The following GRAMD1C variants were observed in gnomAD, a reference collection of about 807,000 sequenced individuals.
GRAMD1C encodes GRAM domain containing 1C, also known as protein Aster-C.
Under a neutral mutation model 97.8 loss-of-function variants are expected in GRAMD1C, and 89 were observed. That is an observed-to-expected ratio of 0.91 (90% CI 0.77 to 1.09). The LOEUF is 1.09. Among genes scored for constraint, GRAMD1C ranks in the 50% least tolerant of loss-of-function variants. The pLI, the probability that GRAMD1C is intolerant of heterozygous loss-of-function variation, is 0.00. For missense variants in GRAMD1C, 740 were observed against 766.4 expected (o/e 0.97, Z 0.41); for synonymous variants, 256 against 267.0 (o/e 0.96, Z 0.40).
intron 10 of GRAMD1C, among the ~76,000 whole-genome samples, chr3:113,926,052 A>T (rs559014902): frequency 6.5e-4 from 99 of 152,246 alleles, no homozygotes; most frequent in African/African-American, 2.3e-3. Flanking sequence ...TCTTGTATGT[A>T]TCTCATAGGG....
intron 10 of GRAMD1C, among the ~76,000 whole-genome samples, chr3:113,926,654 T>G (rs1158852446): frequency 6.6e-6 from 1 of 152,176 alleles, no homozygotes; most frequent in African/African-American, 2.4e-5. Flanking sequence ...TCCTTTTATC[T>G]CTGAAGTTGC....
intron 17 of GRAMD1C, among the ~76,000 whole-genome samples, chr3:113,942,968 T>A (rs1254140342): frequency 6.6e-6 from 1 of 152,244 alleles, no homozygotes; most frequent in African/African-American, 2.4e-5. Flanking sequence ...GAGTCATCCA[T>A]CTGCTTTCCA....
At position 113,946,334 on chromosome 3, in the gene GRAMD1C, C is replaced by A. The variant is rs763779258; in HGVS notation, c.*856C>A. The A allele has an allele frequency of 6.6e-6, 1 of 152,614 alleles. No homozygotes were observed. Among genetic ancestry groups the A allele is most frequent in the Non-Finnish European group, 1.5e-5 (1 of 68,018 alleles). 9.5% of individuals were successfully genotyped at this position (152,614 alleles called of 1,614,324 possible). On this transcript the variant is annotated 3_prime_UTR_variant, in exon 18 of 18. Coordinates refer to ENST00000358160, the MANE Select transcript of GRAMD1C (RefSeq NM_017577.5). Reference sequence around the variant, plus strand: ...AAAATAATTTGTGTATTTTCAGTAACCATGTATGGCTTCCTTCTTTATGTA... The same window carrying A: ...AAAATAATTTGTGTATTTTCAGTAAACATGTATGGCTTCCTTCTTTATGTA...
rs536913133 is a variant in GRAMD1C at position 113,839,538 on chromosome 3, A to G, written c.27+602A>G. On this transcript the variant is annotated intron_variant, in intron 1 of 17. Transcript: ENST00000358160. The stretch of plus-strand genomic sequence containing the variant: ...CTTTTAGAGAACTGCGGTCAGTGCT[A>G]TATCTTCTGAAGAGCGTTATAGTTT... Among the ~76,000 whole-genome samples the G allele has an allele frequency of 2.0e-4, 31 of 152,332 alleles. No homozygotes were observed. The East Asian group carries it at 5.2e-3, about 26-fold the overall frequency.
chr3:113,850,389 T>A, intron 2 of GRAMD1C: 1 of 852,350 alleles, frequency 1.2e-6, no homozygotes, highest in Non-Finnish European at 2.0e-6. Context: ...TTTGTGAGTC[T>A]TGCAGGTCGC....
At chr3:113,863,543 A>G (rs1037645644) in intron 2 of GRAMD1C, among the ~76,000 whole-genome samples, 2 of 152,242 alleles carry the variant, frequency 1.3e-5, no homozygotes, top group African/African-American at 2.4e-5. Context: ...CTGGAATTAT[A>G]TAGTGGTGAT....
At chr3:113,849,171 G>C (rs1027131718) in intron 2 of GRAMD1C, among the ~76,000 whole-genome samples, 1 of 152,004 alleles carries the variant, frequency 6.6e-6, no homozygotes, top group African/African-American at 2.4e-5. Flanking sequence ...GTAGAAAATA[G>C]CCTTTGAGAT....
chr3:113,889,720 C>A (rs1055994747), intron 6 of GRAMD1C, among the ~76,000 whole-genome samples: 1 of 151,856 alleles, frequency 6.6e-6, no homozygotes, highest in Non-Finnish European at 1.5e-5. Context: ...CTCACTGCAA[C>A]CTCTGTCTCC....
At chr3:113,837,031 A>T (rs1265368344), upstream of GRAMD1C, among the ~76,000 whole-genome samples, 18 of 152,066 alleles carry the variant, frequency 1.2e-4, no homozygotes, top group Admixed American at 1.2e-3. Context: ...TCTAATAGCC[A>T]TTTCATATTC....
At chr3:113,835,184 A>G (rs1709617045), upstream of GRAMD1C, among the ~76,000 whole-genome samples, 2 of 152,144 alleles carry the variant, frequency 1.3e-5, no homozygotes, top group Non-Finnish European at 2.9e-5. Context: ...ATACATGACC[A>G]TTAATCTCAA....
chr3:113,864,437 TGC>T (rs1934508716), intron 2 of GRAMD1C, among the ~76,000 whole-genome samples: 1 of 152,148 alleles, frequency 6.6e-6, no homozygotes, highest in South Asian at 2.1e-4. Context: ...TTTTCAAAGC[TGC>T]TTAGATATTT....
Position 113,942,816 on chromosome 3 carries a change from C to T in GRAMD1C, c.1908+2471C>T, listed in dbSNP as rs182965263. On this transcript the variant is annotated intron_variant, in intron 17 of 17. Coordinates refer to ENST00000358160, the MANE Select transcript of GRAMD1C (RefSeq NM_017577.5). ...CAGATGCCGAAAGTTTCATGCAATC[C>T]TTCCTTTGGCTCTTCCTCTTTATTC... Among the ~76,000 whole-genome samples the T allele has an allele frequency of 5.8e-3, 889 of 152,284 alleles. 9 individuals are homozygous for T. Among genetic ancestry groups the T allele is most frequent in the Non-Finnish European group, 6.0e-3 (409 of 68,022 alleles).
chr3:113,852,632 A>T (rs544144313), intron 2 of GRAMD1C, among the ~76,000 whole-genome samples: 1 of 152,174 alleles, frequency 6.6e-6, no homozygotes, highest in Non-Finnish European at 1.5e-5. Context: ...AAGAAAAAAG[A>T]GGGAACTGAT....
At chr3:113,910,593 C>T (rs983571156) in intron 9 of GRAMD1C, among the ~76,000 whole-genome samples, 1 of 152,120 alleles carries the variant, frequency 6.6e-6, no homozygotes, top group Non-Finnish European at 1.5e-5. Context: ...GTGGGCTCAA[C>T]AAATAGCAGT....
chr3:113,911,572 CTTAA>C (rs1391528657), intron 9 of GRAMD1C, among the ~76,000 whole-genome samples: 1 of 151,942 alleles, frequency 6.6e-6, no homozygotes, highest in African/African-American at 2.4e-5. Flanking sequence ...CCTTATTTAA[CTTAA>C]TTATTTCTTT....
At chr3:113,840,133 A>AT (rs1341715125) in intron 1 of GRAMD1C, among the ~76,000 whole-genome samples, 1 of 151,950 alleles carries the variant, frequency 6.6e-6, no homozygotes, top group Non-Finnish European at 1.5e-5. Context: ...CGCCCGGCTA[A>AT]TTTTTTGTGT....
intron 2 of GRAMD1C, among the ~76,000 whole-genome samples, chr3:113,857,595 C>G (rs544150130): frequency 6.6e-6 from 1 of 152,198 alleles, no homozygotes; most frequent in South Asian, 2.1e-4. Flanking sequence ...CCAGGATGGT[C>G]TCGATCGCCT....
At chr3:113,872,799 T>C (rs1045123582) in intron 3 of GRAMD1C, among the ~76,000 whole-genome samples, 1 of 150,390 alleles carries the variant, frequency 6.6e-6, no homozygotes, top group African/African-American at 2.4e-5. Flanking sequence ...ACGCTGGGCA[T>C]GGTGGCTCAC....
chr3:113,921,778 A>G (rs746669875), intron 10 of GRAMD1C, among the ~76,000 whole-genome samples: 6 of 152,036 alleles, frequency 3.9e-5, no homozygotes, highest in Non-Finnish European at 5.9e-5. Context: ...GTGTCTGTTT[A>G]TATCCCTTGC....
Sources: gnomAD v4.1 joint callset for allele counts (sites outside exome capture counted in the v4.1 genomes callset) on GRCh38, gnomAD v4.1.1 for gene constraint, MANE v1.5 for transcripts, NCBI Gene and HGNC (gene_info 2026-07-23, HGNC 2026-07-21) for gene names.